NEU3: variants seen among roughly 807,000 people sequenced by gnomAD.
NEU3 encodes the protein neuraminidase 3, also known as sialidase-3.
A neutral mutation model predicts 11.4 loss-of-function variants in NEU3; 10 were observed. The ratio of observed to expected loss-of-function variants is 0.88; its 90% confidence interval spans 0.54 to 1.49. NEU3 has a LOEUF of 1.49. Ranked by LOEUF, NEU3 falls within the 40% of genes most tolerant of loss-of-function variation. NEU3 has a pLI of 0.00. For missense variants in NEU3, 529 were observed against 581.8 expected (o/e 0.91, Z 0.93); for synonymous variants, 212 against 228.2 (o/e 0.93, Z 0.64).
rs1297296778 is a variant in NEU3, at chr11:75,008,157, T to C, written c.*1665T>C. ...TATTTCTTGAGTGCCTAATACAAGG[T>C]ACTTTCTACTGCCATTCCTTGGCTC... On this transcript the variant is annotated 3_prime_UTR_variant, in exon 3 of 3. Coordinates refer to ENST00000294064, the MANE Select transcript of NEU3 (RefSeq NM_006656.6). 6.6e-6 allele frequency: 1 copy of C among 152,238 alleles called. No individual in the cohort carries two copies. Among genetic ancestry groups the C allele is most frequent in the Non-Finnish European group, 1.5e-5 (1 of 68,042 alleles). 9.4% of individuals were successfully genotyped at this position (152,238 alleles called of 1,614,324 possible).
downstream of NEU3, among the ~76,000 whole-genome samples, chr11:75,019,616 C>T (rs1302657918): frequency 6.6e-6 from 1 of 152,202 alleles, no homozygotes; most frequent in Non-Finnish European, 1.5e-5. Context: ...TGTGATGGTT[C>T]CTGCCCCACG....
downstream of NEU3, among the ~76,000 whole-genome samples, chr11:75,020,638 G>A (rs577571437): frequency 6.6e-5 from 10 of 152,308 alleles, no homozygotes; most frequent in East Asian, 5.8e-4. Flanking sequence ...CCTTAGCCAC[G>A]TGGAACTGTA....
At chr11:74,998,819 AG>A (rs1565495218) in intron 2 of NEU3, among the ~76,000 whole-genome samples, 1 of 152,152 alleles carries the variant, frequency 6.6e-6, no homozygotes, top group Non-Finnish European at 1.5e-5. Context: ...ATGGCCTCCC[AG>A]GACCAGACTT....
chr11:74,995,076 C>A (rs1056459520), intron 2 of NEU3: 7 of 547,154 alleles, frequency 1.3e-5, no homozygotes, highest in Non-Finnish European at 2.0e-5. Context: ...TATTTAGATT[C>A]AGCTAACGTA....
downstream of NEU3, among the ~76,000 whole-genome samples, chr11:75,013,604 A>C (rs1483179721): frequency 2.0e-5 from 3 of 152,162 alleles, no homozygotes; most frequent in South Asian, 4.2e-4. Context: ...GAAGAGGGAA[A>C]TCTCAGCCCC....
upstream of NEU3, among the ~76,000 whole-genome samples, chr11:74,987,741 A>G (rs1443775243): frequency 6.6e-6 from 1 of 152,056 alleles, no homozygotes; most frequent in Non-Finnish European, 1.5e-5. Flanking sequence ...TGAACCCGGG[A>G]GGCGGAGCTT....
At chr11:74,990,191 C>A in intron 1 of NEU3, 1 of 597,746 alleles carries the variant, frequency 1.7e-6, no homozygotes, top group Admixed American at 2.8e-5. Context: ...TCATATTGAT[C>A]TGCTTAGGTA....
intron 1 of NEU3, chr11:74,989,891 A>T: frequency 1.5e-6 from 1 of 684,534 alleles, no homozygotes; most frequent in Non-Finnish European, 2.7e-6. Flanking sequence ...GCAGCAAGTA[A>T]TCATTTGAAT....
chr11:74,981,079 T>G, the NEU3 span, among the ~76,000 whole-genome samples: 1 of 152,338 alleles, frequency 6.6e-6, no homozygotes, highest in South Asian at 2.1e-4. Context: ...TTGGGCTGTC[T>G]TACAGCCAAC....
rs201747612 is a variant in NEU3, at chr11:74,994,673, C to A, written c.259C>A (p.Leu87Ile). The A allele has an allele frequency of 3.1e-6, 5 of 1,614,022 alleles. No individual in the cohort carries two copies. The highest frequency in any genetic ancestry group is 1.7e-4 in the Middle Eastern group (1 of 6,060). ...KRSTRRDEDA[L>I]HLVLRRGLRI... ...TTCTACGAGGAGAGATGAGGATGCT[C>A]TCCACCTGGTGCTGAGGCGAGGGTT... Residue 87 changes from leucine (L) to isoleucine (I), a missense_variant, in exon 2 of 3, where the codon CTC becomes ATC. Transcript: ENST00000294064.
chr11:74,984,064 C>A (rs1948653475), upstream of NEU3, among the ~76,000 whole-genome samples: 1 of 152,148 alleles, frequency 6.6e-6, no homozygotes, highest in African/African-American at 2.4e-5. Flanking sequence ...GTTCCAGTTT[C>A]TGTCAGTTTA....
chr11:74,985,558 G>A (rs1948660523), upstream of NEU3, among the ~76,000 whole-genome samples: 1 of 142,084 alleles, frequency 7.0e-6, no homozygotes, highest in Non-Finnish European at 1.6e-5. Flanking sequence ...TTTTGATTGA[G>A]AGTCTCCCAA....
upstream of NEU3, among the ~76,000 whole-genome samples, chr11:74,987,892 TTTTTTC>T (rs1437411748): frequency 0.4 from 19,573 of 48,654 alleles, 2,210 homozygotes; most frequent in Non-Finnish European, 0.47. Flanking sequence ...AGGCCTTTTT[TTTTTTC>T]TTTTTTTTTT....
At chr11:74,992,655 G>A (rs1760052257) in intron 1 of NEU3, among the ~76,000 whole-genome samples, 1 of 152,126 alleles carries the variant, frequency 6.6e-6, no homozygotes, top group African/African-American at 2.4e-5. Context: ...CCTGTAAAAT[G>A]GTGGGTAAAA....
At chr11:75,000,622 CA>C (rs1453925066) in intron 2 of NEU3, among the ~76,000 whole-genome samples, 7 of 148,864 alleles carry the variant, frequency 4.7e-5, no homozygotes, top group Non-Finnish European at 1.0e-4. Context: ...TTTGTTTATA[CA>C]TTTTTTTTTT....
At chr11:74,990,440 T>G (rs533745509) in intron 1 of NEU3, among the ~76,000 whole-genome samples, 1 of 152,248 alleles carries the variant, frequency 6.6e-6, no homozygotes, top group South Asian at 2.1e-4. Context: ...CACTGCAACC[T>G]CCGTCTCCTG....
chr11:74,999,713 G>A (rs183417335), intron 2 of NEU3, among the ~76,000 whole-genome samples: 1 of 152,336 alleles, frequency 6.6e-6, no homozygotes, highest in Admixed American at 6.5e-5. Context: ...CCTGATTGCT[G>A]TGGCAGCTGG....
At chr11:75,004,298 T>C (rs1260740001) in intron 2 of NEU3, 1 of 680,900 alleles carries the variant, frequency 1.5e-6, no homozygotes, top group Admixed American at 2.2e-5. Context: ...TTTATTTTTA[T>C]TTTTAGAGAT....
chr11:74,994,482 A>C (rs779464102), intron 1 of NEU3, 27 bp from the exon 2 acceptor site: 4 of 1,560,650 alleles, frequency 2.6e-6, no homozygotes, highest in Admixed American at 1.8e-5. Context: ...GTATGGACAC[A>C]CATTAAGCTT....
Sources: allele counts gnomAD v4.1 joint callset (sites outside exome capture counted in the v4.1 genomes callset), GRCh38; gene constraint gnomAD v4.1.1; transcripts MANE v1.5; gene names NCBI Gene and HGNC (gene_info 2026-07-23, HGNC 2026-07-21).